Variants in AGBL4 observed in about 807,000 individuals in gnomAD.
The protein encoded by AGBL4 is AGBL carboxypeptidase 4.
Under a neutral mutation model 66.4 loss-of-function variants are expected in AGBL4, and 58 were observed. That is an observed-to-expected ratio of 0.87 (90% CI 0.71 to 1.09). The LOEUF (loss-of-function observed/expected upper bound fraction) is 1.09, where lower values mean the gene tolerates loss of function less well. AGBL4 is among the 50% of genes least tolerant of loss of function. AGBL4 has a pLI of 0.00. For missense variants in AGBL4, 579 were observed against 631.0 expected (o/e 0.92, Z 0.88); for synonymous variants, 234 against 222.9 (o/e 1.05, Z -0.44).
chr1:48,778,602 G>C (rs1048074722), intron 6 of AGBL4, among the ~76,000 whole-genome samples: 2 of 152,112 alleles, frequency 1.3e-5, no homozygotes, highest in African/African-American at 2.4e-5. Context: ...TGTTAATAGT[G>C]ATTTTTTTAG....
At chr1:48,929,630 T>C (rs891574850) in intron 5 of AGBL4, among the ~76,000 whole-genome samples, 15 of 152,274 alleles carry the variant, frequency 9.9e-5, no homozygotes, top group African/African-American at 3.6e-4. Flanking sequence ...AAGGCAGAGA[T>C]CATGTGTTTC....
chr1:49,279,365 T>C (rs1299560208), intron 3 of AGBL4, among the ~76,000 whole-genome samples: 2 of 152,146 alleles, frequency 1.3e-5, no homozygotes, highest in East Asian at 3.9e-4. Flanking sequence ...AAATTAACAA[T>C]TACAAATCTG....
rs569244844 is a variant in AGBL4 at position 48,567,678 on chromosome 1, G to A, written c.1267+19326C>T. On this transcript the variant is annotated intron_variant, in intron 11 of 13. Transcript: ENST00000371839. ...GCTCTCCACCACTGTCTGAGAGAAG[G>A]GGACCTGTTGGGGGCCTGAAGAAAA... Among the ~76,000 whole-genome samples the A allele has an allele frequency of 1.2e-4, 19 of 152,294 alleles. No individual in the cohort carries two copies. The South Asian group carries it at 3.7e-3, about 30-fold the overall frequency.
chr1:48,674,456 C>T (rs1447695452), intron 6 of AGBL4, among the ~76,000 whole-genome samples: 3 of 151,266 alleles, frequency 2.0e-5, no homozygotes, highest in Non-Finnish European at 4.4e-5. Context: ...CTCCCTCACC[C>T]CAAGCCGTCG....
chr1:48,636,006 T>C (rs1304907815), intron 8 of AGBL4, among the ~76,000 whole-genome samples: 2 of 152,220 alleles, frequency 1.3e-5, no homozygotes, highest in Non-Finnish European at 2.9e-5. Flanking sequence ...TGAACCCCCA[T>C]AATTCATTTA....
intron 1 of AGBL4, among the ~76,000 whole-genome samples, chr1:49,879,319 T>G (rs1647136893): frequency 6.6e-6 from 1 of 151,608 alleles, no homozygotes; most frequent in Non-Finnish European, 1.5e-5. Flanking sequence ...TTTCCATGTT[T>G]AGCGCTTCCT....
At chr1:49,993,502 T>C (rs1266005838) in intron 1 of AGBL4, among the ~76,000 whole-genome samples, 1 of 152,232 alleles carries the variant, frequency 6.6e-6, no homozygotes, top group African/African-American at 2.4e-5. Context: ...GTTGTGTCTC[T>C]TCCTACCCAG....
At chr1:48,789,816 G>A (rs1033697545) in intron 6 of AGBL4, among the ~76,000 whole-genome samples, 13 of 152,138 alleles carry the variant, frequency 8.5e-5, no homozygotes, top group African/African-American at 1.9e-4. Flanking sequence ...GACTCTTGGC[G>A]AGAGGAACAC....
intron 4 of AGBL4, among the ~76,000 whole-genome samples, chr1:49,058,306 C>A (rs1036228581): frequency 7.9e-5 from 12 of 152,128 alleles, no homozygotes; most frequent in African/African-American, 2.7e-4. Flanking sequence ...GTAATTGAAT[C>A]ATGGGGGCGG....
chr1:49,640,302 T>C (rs965560620), intron 3 of AGBL4, among the ~76,000 whole-genome samples: 3 of 152,108 alleles, frequency 2.0e-5, no homozygotes, highest in Non-Finnish European at 4.4e-5. Flanking sequence ...ATGAAATAAA[T>C]ATAACTGCAA....
rs190933273 is a variant in AGBL4, at chr1:49,482,334, G to A, written c.282+214979C>T. On this transcript the variant is annotated intron_variant, in intron 3 of 13. Coordinates refer to ENST00000371839, the MANE Select transcript of AGBL4 (RefSeq NM_032785.4). ...TCAGAGCTCATTATTGGGCTGATCGGAAATTCAGTTTCTTCCTGGTTCAGT... is the reference window on the plus strand; with the variant it reads ...TCAGAGCTCATTATTGGGCTGATCGAAAATTCAGTTTCTTCCTGGTTCAGT... Among the ~76,000 whole-genome samples, 4 of 151,994 alleles carry A rather than the reference G, an allele frequency of 2.6e-5. No homozygotes were observed. In the East Asian group the frequency reaches 7.8e-4, roughly 30 times the overall value.
intron 3 of AGBL4, among the ~76,000 whole-genome samples, chr1:49,668,268 C>T (rs1364136065): frequency 6.6e-6 from 1 of 152,102 alleles, no homozygotes; most frequent in Non-Finnish European, 1.5e-5. Flanking sequence ...ATAAAATATT[C>T]ATTCCCACTT....
intron 6 of AGBL4, among the ~76,000 whole-genome samples, chr1:48,860,414 G>A (rs975578949): frequency 6.6e-5 from 10 of 152,176 alleles, no homozygotes; most frequent in Admixed American, 5.2e-4. Context: ...TGGGGCTACT[G>A]GCTAGCTGAA....
intron 2 of AGBL4, among the ~76,000 whole-genome samples, chr1:49,830,155 T>C (rs187814078): frequency 1.6e-4 from 25 of 152,284 alleles, no homozygotes; most frequent in African/African-American, 5.3e-4. Flanking sequence ...CTGGGTCCAA[T>C]GGTATTTCTG....
At chr1:49,164,145 A>C (rs1387445982) in intron 4 of AGBL4, among the ~76,000 whole-genome samples, 1 of 152,172 alleles carries the variant, frequency 6.6e-6, no homozygotes, top group Non-Finnish European at 1.5e-5. Flanking sequence ...AGTTCCAGCA[A>C]TATATAAATT....
chr1:48,925,257 C>T (rs1408902881), intron 5 of AGBL4, among the ~76,000 whole-genome samples: 5 of 152,108 alleles, frequency 3.3e-5, no homozygotes, highest in Middle Eastern at 3.4e-3. Context: ...AATCCATGGA[C>T]ACTCAAGTCC....
chr1:48,980,391 C>G (rs1659654731), intron 5 of AGBL4, among the ~76,000 whole-genome samples: 1 of 152,018 alleles, frequency 6.6e-6, no homozygotes, highest in South Asian at 2.1e-4. Context: ...GCTATTGTCA[C>G]AAAATAGATA....
chr1:48,758,980 C>T lies in AGBL4; in HGVS notation c.635-95739G>A, dbSNP rs973740518. On this transcript the variant is annotated intron_variant, in intron 6 of 13. Coordinates refer to ENST00000371839, the MANE Select transcript of AGBL4 (RefSeq NM_032785.4). Reference sequence around the variant, plus strand: ...CTCCTTCATTTCAGACACAAGTGCCCCGTACTCCTTGAGCTTCTTGGCCTG... The same window carrying T: ...CTCCTTCATTTCAGACACAAGTGCCTCGTACTCCTTGAGCTTCTTGGCCTG... 2.5e-6 allele frequency: 4 copies of T among 1,613,242 alleles called. No homozygotes were observed. In the South Asian group the frequency reaches 4.4e-5, roughly 18 times the overall value.
At chr1:49,562,482 T>C (rs1215594127) in intron 3 of AGBL4, among the ~76,000 whole-genome samples, 1 of 152,318 alleles carries the variant, frequency 6.6e-6, no homozygotes, top group East Asian at 1.9e-4. Context: ...AATTAATTTT[T>C]GTATAAGGTG....
Sources: gnomAD v4.1 joint callset for allele counts (sites outside exome capture counted in the v4.1 genomes callset) on GRCh38, gnomAD v4.1.1 for gene constraint, MANE v1.5 for transcripts, NCBI Gene and HGNC (gene_info 2026-07-23, HGNC 2026-07-21) for gene names.